SLC38A8: variants seen among roughly 807,000 people sequenced by gnomAD.
SLC38A8 encodes solute carrier family 38 member 8.
A neutral mutation model predicts 46.0 loss-of-function variants in SLC38A8; 65 were observed. The observed-to-expected ratio is 1.41, with a 90% CI of 1.16 to 1.74. The LOEUF is 1.74. SLC38A8 is among the 40% of genes most tolerant of loss of function. The pLI, the probability that SLC38A8 is intolerant of heterozygous loss-of-function variation, is 0.00. For synonymous variants in SLC38A8, 447 were observed against 243.7 expected (o/e 1.83, Z -7.77); for missense variants, 998 against 567.9 (o/e 1.76, Z -7.70).
intron 2 of SLC38A8, 131 bp downstream of exon 2, chr16:84,041,838 G>C (rs2085370310): frequency 2.5e-6 from 2 of 809,288 alleles, no homozygotes; most frequent in Admixed American, 2.5e-5. Context: ...AGCTGAGCGG[G>C]ATAGAAAATA....
rs1415385229 is a variant in SLC38A8 at position 84,042,720 on chromosome 16, ATG to A, written c.-174_-173del. 1 of 153,208 alleles carries A rather than the reference ATG, an allele frequency of 6.5e-6. No individual in the cohort carries two copies. Among genetic ancestry groups the A allele is most frequent in the East Asian group, 1.9e-4 (1 of 5,182 alleles). The allele number at this position is 153,208 out of a possible 1,614,324, so 9.5% of individuals were successfully genotyped here. A position where few individuals can be genotyped will look rare whatever the true frequency, so the allele number is the denominator to read the frequency against. ...ATTAACTAAAGGAGCCCTAGCGAGTATGTGTCAGGGTCAGGCCCCTCCACACC... is the reference window on the plus strand; with the variant it reads ...ATTAACTAAAGGAGCCCTAGCGAGTATGTCAGGGTCAGGCCCCTCCACACC... On this transcript the variant is annotated 5_prime_UTR_variant, in exon 1 of 11. Coordinates refer to ENST00000299709, the MANE Select transcript of SLC38A8 (RefSeq NM_001080442.3).
Position 84,031,877 on chromosome 16 carries a change from G to T in SLC38A8, c.622C>A (p.Pro208Thr). Residue 208 changes from proline (P) to threonine (T), a missense_variant, in exon 5 of 11, where the codon CCT becomes ACT. Pro to Thr is a conservative substitution (Grantham distance 38). Coordinates refer to ENST00000299709, the MANE Select transcript of SLC38A8 (RefSeq NM_001080442.3). ...WPQGLVRESH[P>T]SLSPASWTSV... is the part of the protein sequence containing the mutation. ...TTCCCTCAGACTTACCTCAGTGAAG[G>T]ATGGGACTCACGCACGAGGCCCTGG... The T allele has an allele frequency of 6.2e-7, 1 of 1,614,026 alleles. No individual in the cohort carries two copies. Among genetic ancestry groups the T allele is most frequent in the Non-Finnish European group, 8.5e-7 (1 of 1,179,942 alleles).
Position 84,016,571 on chromosome 16 carries a change from C to T in SLC38A8, c.1110G>A (p.Glu370=), listed in dbSNP as rs1400195404. ...AMALFMPDLS[E]IVSIIGGISS... ...TGATGCCTCCGATGATGCTGACGAT[C>T]TCGCTGAGGTCAGGCATAAACAGCG... Residue 370 remains glutamate, a synonymous_variant, in exon 9 of 11, where the codon GAG becomes GAA. Coordinates refer to ENST00000299709, the MANE Select transcript of SLC38A8 (RefSeq NM_001080442.3). 6.8e-6 allele frequency: 11 copies of T among 1,613,978 alleles called. No homozygotes were observed. The highest frequency in any genetic ancestry group is 1.3e-5 in the African/African-American group (1 of 74,942).
intron 3 of SLC38A8, 37 bp downstream of exon 3, chr16:84,036,665 C>G: frequency 6.2e-7 from 1 of 1,611,168 alleles, no homozygotes; most frequent in Non-Finnish European, 8.5e-7. Context: ...AGAGGTCCGG[C>G]ACCCTGGGCC....
At chr16:84,040,062 GCCAACCCTAACGCGTCAGGCTT>G (rs2085351160) in intron 2 of SLC38A8, 1 of 152,232 alleles carries the variant, frequency 6.6e-6, no homozygotes, top group Non-Finnish European at 1.5e-5. Context: ...GCACTAAACC[GCCAACCCTAACGCGTCAGGCTT>G]CCAACCTCTG....
Position 84,033,427 on chromosome 16 carries a change from G to A in SLC38A8, c.431C>T (p.Pro144Leu), listed in dbSNP as rs764261834. 6.2e-6 allele frequency: 10 copies of A among 1,612,214 alleles called. No homozygotes were observed. The highest frequency in any genetic ancestry group is 2.7e-5 in the African/African-American group (2 of 74,884). Reference sequence around the variant, plus strand: ...GGTGAAGCGCTGGTCTGCGTACCACGGCTGCGGGGCGGGCGGGGTGCCAGA... The same window carrying A: ...GGTGAAGCGCTGGTCTGCGTACCACAGCTGCGGGGCGGGCGGGGTGCCAGA... ...LLSGTPPAPQ[P>L]WYADQRFTLP... The change falls in exon 4 of 11, where the codon CCG (proline) becomes CTG (leucine). Residue 144 changes from proline (P) to leucine (L), a missense_variant. By Grantham distance (98) the Pro-to-Leu change is moderately conservative (BLOSUM62 -3). Transcript: ENST00000299709.
Position 84,035,257 on chromosome 16 carries a change from G to A in SLC38A8, c.388+1445C>T, listed in dbSNP as rs140463932. On this transcript the variant is annotated intron_variant, in intron 3 of 10. Coordinates refer to ENST00000299709, the MANE Select transcript of SLC38A8 (RefSeq NM_001080442.3). ...CTGTGGGGGAGCAGGACGTTTTTGT[G>A]CCCACTTACCCATTAAGAGGTTCAG... Among the ~76,000 whole-genome samples the A allele has an allele frequency of 5.8e-3, 886 of 152,266 alleles. 4 individuals carry two copies. Among genetic ancestry groups the A allele is most frequent in the South Asian group, 0.012 (56 of 4,828 alleles).
intron 3 of SLC38A8, among the ~76,000 whole-genome samples, chr16:84,033,812 T>C (rs1265803252): frequency 6.6e-6 from 1 of 152,158 alleles, no homozygotes; most frequent in African/African-American, 2.4e-5. Flanking sequence ...CTCAATAGTA[T>C]CTGGAGTCAA....
At chr16:84,038,162 T>G (rs1275270473) in intron 2 of SLC38A8, among the ~76,000 whole-genome samples, 4 of 151,902 alleles carry the variant, frequency 2.6e-5, no homozygotes, top group Non-Finnish European at 5.9e-5. Context: ...AACACAAAAA[T>G]TAGCCAGGCA....
intron 8 of SLC38A8, among the ~76,000 whole-genome samples, 176 bp downstream of exon 8, chr16:84,016,964 C>T (rs1323501937): frequency 6.6e-6 from 1 of 152,212 alleles, no homozygotes; most frequent in Non-Finnish European, 1.5e-5. Context: ...TGTGGACACA[C>T]ACTCACGGAG....
At chr16:84,029,324 G>A (rs532154020) in intron 6 of SLC38A8, among the ~76,000 whole-genome samples, 170 bp downstream of exon 6, 1 of 152,212 alleles carries the variant, frequency 6.6e-6, no homozygotes, top group Non-Finnish European at 1.5e-5. Flanking sequence ...CATCCTCATG[G>A]TCTGGAATGA....
chr16:84,017,070 G>A (rs2085036893), intron 8 of SLC38A8, 70 bp downstream of exon 8: 1 of 1,583,482 alleles, frequency 6.3e-7, no homozygotes, highest in Non-Finnish European at 8.6e-7. Flanking sequence ...CCCACACCTG[G>A]TACATGCTCA....
chr16:84,037,129 G>A (rs1317525), intron 2 of SLC38A8, among the ~76,000 whole-genome samples: 36,452 of 152,100 alleles, frequency 0.24, 4,433 homozygotes, highest in South Asian at 0.27. Flanking sequence ...CAGGCTCACT[G>A]GCTCTAGGCT....
chr16:84,031,772 G>A (rs1257911742), intron 5 of SLC38A8, 95 bp downstream of exon 5: 2 of 1,055,512 alleles, frequency 1.9e-6, no homozygotes, highest in Admixed American at 1.8e-5. Context: ...GCTCTGCAGT[G>A]AGCCACGAGA....
chr16:84,038,709 C>A (rs763827146), intron 2 of SLC38A8, among the ~76,000 whole-genome samples: 1 of 152,222 alleles, frequency 6.6e-6, no homozygotes, highest in Non-Finnish European at 1.5e-5. Flanking sequence ...GACGGTGCCA[C>A]GAGTCCCACT....
intron 6 of SLC38A8, 65 bp from the exon 7 acceptor site, chr16:84,022,954 A>G: frequency 8.4e-7 from 1 of 1,191,058 alleles, no homozygotes; most frequent in Non-Finnish European, 1.2e-6. Flanking sequence ...GCGAAAAAAA[A>G]CTCATATCCA....
chr16:84,035,153 G>A (rs148482294), intron 3 of SLC38A8, among the ~76,000 whole-genome samples: 1 of 152,220 alleles, frequency 6.6e-6, no homozygotes, highest in Non-Finnish European at 1.5e-5. Flanking sequence ...TCCGCTCCCA[G>A]TGAGGCTCAG....
intron 7 of SLC38A8, among the ~76,000 whole-genome samples, chr16:84,019,113 C>G (rs1230539947): frequency 1.3e-5 from 2 of 151,308 alleles, no homozygotes; most frequent in Non-Finnish European, 2.9e-5. Context: ...TGGAGTCTGT[C>G]ACCCAGGCTG....
At chr16:84,038,158 A>G (rs1317340902) in intron 2 of SLC38A8, among the ~76,000 whole-genome samples, 1 of 152,012 alleles carries the variant, frequency 6.6e-6, no homozygotes, top group African/African-American at 2.4e-5. Context: ...TAAAAACACA[A>G]AAATTAGCCA....
Sources: gnomAD v4.1 joint callset for allele counts (sites outside exome capture counted in the v4.1 genomes callset) on GRCh38, gnomAD v4.1.1 for gene constraint, MANE v1.5 for transcripts, NCBI Gene and HGNC (gene_info 2026-07-23, HGNC 2026-07-21) for gene names.